Variants in RUNDC3B observed in about 807,000 individuals in gnomAD.
RUNDC3B encodes the protein RUN domain-containing protein 3B.
Under a neutral mutation model 58.4 loss-of-function variants are expected in RUNDC3B, and 33 were observed. The ratio of observed to expected loss-of-function variants is 0.56; its 90% CI spans 0.43 to 0.75. The LOEUF is 0.75. RUNDC3B is among the 30% of genes least tolerant of loss of function. The pLI is 0.00. For synonymous variants in RUNDC3B, 193 were observed against 195.2 expected (o/e 0.99, Z 0.10); for missense variants, 501 against 535.7 (o/e 0.94, Z 0.64).
At chr7:87,693,185 AT>A (rs1828170978) in intron 2 of RUNDC3B, among the ~76,000 whole-genome samples, 1 of 152,138 alleles carries the variant, frequency 6.6e-6, no homozygotes, top group South Asian at 2.1e-4. Flanking sequence ...TTTCTGAAAA[AT>A]ATAGCAGAAA....
chr7:87,750,803 CG>C lies in RUNDC3B; in HGVS notation c.629+9225del, dbSNP rs1440834159. On this transcript the variant is annotated intron_variant, in intron 6 of 10. Transcript: ENST00000394654. ...AGCCCTTTGTCAGATGAGTAGGTTG[CG>C]AAAATTTTCTCCCATTTTGTAGGTT... is the stretch of plus-strand genomic sequence containing the variant. Among the ~76,000 whole-genome samples, 4 of 150,604 alleles carry C rather than the reference CG, an allele frequency of 2.7e-5. No homozygotes were observed. In the East Asian group the frequency reaches 7.8e-4, roughly 29 times the overall value.
chr7:87,797,538 C>T (rs12533477), intron 8 of RUNDC3B, among the ~76,000 whole-genome samples: 14,168 of 152,184 alleles, frequency 0.093, 762 homozygotes, highest in African/African-American at 0.15. Context: ...CAGCCTTTCA[C>T]TTAATGGCTT....
intron 2 of RUNDC3B, among the ~76,000 whole-genome samples, chr7:87,670,661 GT>G (rs1275541043): frequency 5.9e-5 from 9 of 152,170 alleles, no homozygotes; most frequent in African/African-American, 1.7e-4. Flanking sequence ...TCTTTTGGAT[GT>G]TTTCACCAGG....
chr7:87,705,935 C>T (rs1259141852), intron 3 of RUNDC3B, among the ~76,000 whole-genome samples: 3 of 152,064 alleles, frequency 2.0e-5, no homozygotes, highest in African/African-American at 7.2e-5. Context: ...TTTTCATTTT[C>T]TTGGCCCCAA....
chr7:87,815,089 C>T (rs778452927), intron 9 of RUNDC3B, among the ~76,000 whole-genome samples: 18 of 151,946 alleles, frequency 1.2e-4, no homozygotes, highest in Middle Eastern at 6.8e-3. Flanking sequence ...TTCTTTCCCC[C>T]CCTTCCTCCC....
At chr7:87,633,895 G>A (rs1289776256) in intron 1 of RUNDC3B, among the ~76,000 whole-genome samples, 1 of 152,122 alleles carries the variant, frequency 6.6e-6, no homozygotes, top group Non-Finnish European at 1.5e-5. Context: ...AGGTGGGGTA[G>A]TTTATAAAGA....
intron 2 of RUNDC3B, among the ~76,000 whole-genome samples, chr7:87,698,992 C>T (rs1409740151): frequency 1.3e-5 from 2 of 152,138 alleles, no homozygotes; most frequent in East Asian, 3.9e-4. Context: ...AATTCAAATG[C>T]TTACATCTTC....
intron 2 of RUNDC3B, among the ~76,000 whole-genome samples, chr7:87,662,084 A>T (rs543877949): frequency 3.3e-4 from 50 of 152,126 alleles, no homozygotes; most frequent in African/African-American, 1.1e-3. Flanking sequence ...TCTTTTGCCC[A>T]TTTTAAGTTT....
intron 3 of RUNDC3B, among the ~76,000 whole-genome samples, chr7:87,703,915 T>TTTTTTTTTTTTTTTTTTTTTTTTTTTTTG (rs1563147558): frequency 2.7e-4 from 5 of 18,526 alleles, no homozygotes; most frequent in Admixed American, 6.7e-4. Flanking sequence ...TTTTTTTTGG[T>TTTTTTTTTTTTTTTTTTTTTTTTTTTTTG]TTTTTTTTTT....
intron 8 of RUNDC3B, among the ~76,000 whole-genome samples, chr7:87,799,885 C>CAAAAAAAA (rs763617668): frequency 3.4e-5 from 2 of 59,316 alleles, no homozygotes; most frequent in African/African-American, 5.8e-5. Context: ...GACTCCGTCT[C>CAAAAAAAA]AAAAAAAAAA....
At chr7:87,629,372 G>C (rs1433915725) in intron 1 of RUNDC3B, 2 of 157,792 alleles carry the variant, frequency 1.3e-5, no homozygotes, top group East Asian at 3.7e-4. Context: ...GTTTTGGCTT[G>C]TTTACATTAT....
At chr7:87,756,536 A>G (rs1316265391) in intron 6 of RUNDC3B, among the ~76,000 whole-genome samples, 1 of 152,094 alleles carries the variant, frequency 6.6e-6, no homozygotes, top group African/African-American at 2.4e-5. Context: ...CCTTTGGACT[A>G]CATTTAAACC....
chr7:87,668,516 C>T (rs1231610744), intron 2 of RUNDC3B, among the ~76,000 whole-genome samples: 6 of 151,420 alleles, frequency 4.0e-5, no homozygotes, highest in East Asian at 1.9e-4. Context: ...TCTTGTCTTC[C>T]GCTAGTATTG....
intron 4 of RUNDC3B, among the ~76,000 whole-genome samples, chr7:87,728,777 A>T (rs375617442): frequency 6.6e-6 from 1 of 152,312 alleles, no homozygotes; most frequent in East Asian, 1.9e-4. Context: ...GCATTATGCT[A>T]CCTACTACAT....
chr7:87,823,532 C>T (rs1837616742), intron 10 of RUNDC3B, among the ~76,000 whole-genome samples: 2 of 151,744 alleles, frequency 1.3e-5, no homozygotes, highest in African/African-American at 4.8e-5. Flanking sequence ...GAGCAGTATA[C>T]ACTGCACCCA....
rs181334594 is a variant in RUNDC3B, at chr7:87,813,849, C to T, written c.1104-2292C>T. ...AAAAAAAAATAGCCGGGCGTGGTGG[C>T]AGGCGCCTGTAATCCCAGCTACTCA... On this transcript the variant is annotated intron_variant, in intron 9 of 10. Coordinates refer to ENST00000394654, the MANE Select transcript of RUNDC3B (RefSeq NM_001134405.2). Among the ~76,000 whole-genome samples the T allele has an allele frequency of 4.9e-3, 746 of 151,522 alleles. 7 individuals carry two copies. The highest frequency in any genetic ancestry group is 0.017 in the African/African-American group (713 of 41,386).
chr7:87,674,067 A>G (rs1434842794), intron 2 of RUNDC3B, among the ~76,000 whole-genome samples: 1 of 152,152 alleles, frequency 6.6e-6, no homozygotes, highest in African/African-American at 2.4e-5. Context: ...CCTCAAGGTT[A>G]GGAAGCTGCT....
chr7:87,658,507 A>C (rs1325260843), intron 2 of RUNDC3B, among the ~76,000 whole-genome samples: 1 of 152,220 alleles, frequency 6.6e-6, no homozygotes, highest in Non-Finnish European at 1.5e-5. Flanking sequence ...AAAGTTAGCA[A>C]GAGACATAAG....
In RUNDC3B at chr7:87,656,879, A is replaced by T. The variant is rs184425929; in HGVS notation, c.238+5942A>T. 1.5e-3 allele frequency among the ~76,000 whole-genome samples: 227 copies of T among 152,290 alleles called. 1 individual carries two copies. Among genetic ancestry groups the T allele is most frequent in the Middle Eastern group, 0.01 (3 of 294 alleles). ...TATAAATGCATTTTTTCATTTATTT[A>T]TTCAATTGTATTTATTGAGTATCTA... On this transcript the variant is annotated intron_variant, in intron 2 of 10. Coordinates refer to ENST00000394654, the MANE Select transcript of RUNDC3B (RefSeq NM_001134405.2).
Sources: allele counts gnomAD v4.1 joint callset (sites outside exome capture counted in the v4.1 genomes callset), GRCh38; gene constraint gnomAD v4.1.1; transcripts MANE v1.5; gene names NCBI Gene and HGNC (gene_info 2026-07-23, HGNC 2026-07-21).